The following MCTP1 variants were observed in gnomAD, a reference collection of about 807,000 sequenced individuals.
MCTP1 encodes multiple C2 and transmembrane domain containing 1.
A neutral mutation model predicts 120.6 loss-of-function variants in MCTP1; 69 were observed. The observed-to-expected ratio is 0.57, with a 90% confidence interval of 0.47 to 0.70. MCTP1 has a LOEUF of 0.70. Ranked by LOEUF, MCTP1 falls within the 30% of genes least tolerant of loss-of-function variation. The probability of loss-of-function intolerance (pLI) is 0.00; values close to 1 mark genes in which losing one functional copy is unlikely to be tolerated. For synonymous variants in MCTP1, 529 were observed against 493.1 expected, an observed-to-expected ratio of 1.07 and a Z score of -0.96; for missense variants, 1,203 against 1,248.8, an observed-to-expected ratio of 0.96 and a Z score of 0.55.
chr5:94,888,072 C>CA (rs1299810365), intron 12 of MCTP1, among the ~76,000 whole-genome samples: 2 of 324 alleles, frequency 6.2e-3, no homozygotes, highest in Non-Finnish European at 0.012. Flanking sequence ...GAAATTTGCA[C>CA]AAATGGTCAA....
chr5:95,032,618 A>C (rs930216236), intron 1 of MCTP1, among the ~76,000 whole-genome samples: 1 of 152,074 alleles, frequency 6.6e-6, no homozygotes, highest in Non-Finnish European at 1.5e-5. Context: ...GTAGTAATAA[A>C]TGCCTACATC....
At chr5:94,828,781 C>T (rs1416915894) in intron 17 of MCTP1, among the ~76,000 whole-genome samples, 15 of 152,118 alleles carry the variant, frequency 9.9e-5, no homozygotes, top group Admixed American at 8.5e-4. Context: ...TCAGCAATGG[C>T]GGGTGTCCCT....
chr5:94,713,640 A>G (rs1757911483), intron 20 of MCTP1, among the ~76,000 whole-genome samples: 1 of 152,148 alleles, frequency 6.6e-6, no homozygotes, highest in Non-Finnish European at 1.5e-5. Flanking sequence ...TGAGAGGAAG[A>G]AGGAGAGAGA....
At chr5:94,867,429 T>C (rs543597674) in intron 17 of MCTP1, 2 of 1,029,936 alleles carry the variant, frequency 1.9e-6, no homozygotes, top group East Asian at 5.2e-5. Flanking sequence ...GTGCATACAC[T>C]CATTTGAATG....
At chr5:95,100,972 A>C (rs1358876982) in intron 1 of MCTP1, among the ~76,000 whole-genome samples, 1 of 152,218 alleles carries the variant, frequency 6.6e-6, no homozygotes, top group Non-Finnish European at 1.5e-5. Flanking sequence ...GTCTGACTCC[A>C]GGTCTGTTGC....
At chr5:94,751,026 A>T (rs1271743603) in intron 19 of MCTP1, among the ~76,000 whole-genome samples, 1 of 152,124 alleles carries the variant, frequency 6.6e-6, no homozygotes, top group Non-Finnish European at 1.5e-5. Flanking sequence ...CCTGCAACTG[A>T]CCCAACAGTC....
chr5:94,917,895 C>A lies in MCTP1; in HGVS notation c.1350+1G>T. ...TAAATGAACTGAATGGTTGAACTTA[C>A]TTGTACATTTTTGCAATAAGGATTC... On this transcript the variant is annotated splice_donor_variant, in intron 8 of 22. Coordinates refer to ENST00000515393, the MANE Select transcript of MCTP1 (RefSeq NM_024717.7). LOFTEE classifies it high-confidence loss of function. 1 of 1,612,356 alleles carries A rather than the reference C, an allele frequency of 6.2e-7. No individual in the cohort carries two copies. Among genetic ancestry groups the A allele is most frequent in the African/African-American group, 1.3e-5 (1 of 75,010 alleles).
chr5:95,076,545 C>G (rs1753621597), intron 1 of MCTP1, among the ~76,000 whole-genome samples: 1 of 151,198 alleles, frequency 6.6e-6, no homozygotes, highest in African/African-American at 2.4e-5. Context: ...AATGTTGAAA[C>G]TGAGTCTCAG....
chr5:95,055,544 A>G (rs1747156550), intron 1 of MCTP1, among the ~76,000 whole-genome samples: 1 of 152,268 alleles, frequency 6.6e-6, no homozygotes, highest in African/African-American at 2.4e-5. Flanking sequence ...GTTAAGCAAC[A>G]TGTCCAAGCC....
intron 12 of MCTP1, among the ~76,000 whole-genome samples, chr5:94,883,956 G>T (rs577111410): frequency 2.0e-5 from 3 of 152,144 alleles, no homozygotes; most frequent in Non-Finnish European, 4.4e-5. Flanking sequence ...AACTTTCAAA[G>T]ATCAGACTTG....
At chr5:94,744,285 T>C (rs1173640324) in intron 19 of MCTP1, among the ~76,000 whole-genome samples, 2 of 152,252 alleles carry the variant, frequency 1.3e-5, no homozygotes, top group Non-Finnish European at 2.9e-5. Context: ...CTCCTGATTT[T>C]TGAAGACTGT....
chr5:95,090,071 T>C (rs980087733), intron 1 of MCTP1, among the ~76,000 whole-genome samples: 16 of 152,120 alleles, frequency 1.1e-4, no homozygotes, highest in Non-Finnish European at 1.6e-4. Flanking sequence ...CTCCACATCA[T>C]GAAACAATTT....
chr5:95,229,457 C>T (rs1294581754), intron 1 of MCTP1, among the ~76,000 whole-genome samples: 1 of 152,126 alleles, frequency 6.6e-6, no homozygotes, highest in Admixed American at 6.5e-5. Flanking sequence ...GGGTCTTATT[C>T]TGCCTTATTG....
chr5:94,972,692 T>A (rs1158703969), intron 2 of MCTP1, among the ~76,000 whole-genome samples: 1 of 152,180 alleles, frequency 6.6e-6, no homozygotes, highest in Non-Finnish European at 1.5e-5. Flanking sequence ...AGAAGCTTAG[T>A]TTGCATCCTA....
chr5:94,776,559 C>T (rs890226949), intron 19 of MCTP1, among the ~76,000 whole-genome samples: 3 of 152,152 alleles, frequency 2.0e-5, no homozygotes, highest in African/African-American at 7.2e-5. Context: ...CCAACATATG[C>T]TTCAGGTTCA....
intron 13 of MCTP1, 34 bp downstream of exon 13, chr5:94,873,105 T>G (rs745432205): frequency 8.4e-7 from 1 of 1,195,764 alleles, no homozygotes. Context: ...TTAACACAAT[T>G]TTGGATTCAG....
intron 1 of MCTP1, among the ~76,000 whole-genome samples, chr5:95,223,585 CATTA>C (rs1452096314): frequency 6.6e-6 from 1 of 152,114 alleles, no homozygotes; most frequent in African/African-American, 2.4e-5. Flanking sequence ...TAACCAGGAA[CATTA>C]ATTAATTGTG....
intron 19 of MCTP1, among the ~76,000 whole-genome samples, chr5:94,735,626 G>A (rs992200903): frequency 1.3e-5 from 2 of 152,072 alleles, no homozygotes; most frequent in African/African-American, 4.8e-5. Context: ...ACAGGATAGA[G>A]TACATAATAT....
intron 17 of MCTP1, among the ~76,000 whole-genome samples, chr5:94,863,457 T>C (rs1796198005): frequency 6.6e-6 from 1 of 151,884 alleles, no homozygotes; most frequent in African/African-American, 2.4e-5. Flanking sequence ...TCAGAATAGA[T>C]ATTTCTGTTA....
Sources: gnomAD v4.1 joint callset for allele counts (sites outside exome capture counted in the v4.1 genomes callset) on GRCh38, gnomAD v4.1.1 for gene constraint, MANE v1.5 for transcripts, NCBI Gene and HGNC (gene_info 2026-07-23, HGNC 2026-07-21) for gene names.